Variants in GTSE1 observed in about 807,000 individuals in gnomAD.
The protein encoded by GTSE1 is G2 and S phase-expressed protein 1.
GTSE1 carries 52 observed loss-of-function variants against 60.5 expected under a neutral mutation model. The observed-to-expected ratio is 0.86, with a 90% CI of 0.69 to 1.08. GTSE1 has a LOEUF of 1.08. Among genes scored for constraint, GTSE1 ranks in the 50% least tolerant of loss-of-function variants. The pLI, the probability that GTSE1 is intolerant of heterozygous loss-of-function variation, is 0.00. For synonymous variants in GTSE1, 368 were observed against 386.5 expected, an observed-to-expected ratio of 0.95 and a Z score of 0.56; for missense variants, 937 against 961.8, an observed-to-expected ratio of 0.97 and a Z score of 0.34.
At position 46,304,218 on chromosome 22, in the gene GTSE1, C is replaced by T. The variant is rs1397672834; in HGVS notation, c.80-3932C>T. Among the ~76,000 whole-genome samples the T allele has an allele frequency of 1.3e-5, 2 of 152,050 alleles. No individual in the cohort carries two copies. The highest frequency in any genetic ancestry group is 2.4e-5 in the African/African-American group (1 of 41,386). On this transcript the variant is annotated intron_variant, in intron 2 of 11. Transcript: ENST00000454366. The surrounding 1 kb of genome is among the most constrained non-coding windows in gnomAD (Gnocchi z 4.4). ...ATGTTGCGAGGGCTGGCCTTGAACC[C>T]CTGGGCCTCAAGTGATCCTCCTTGG...
chr22:46,315,094 C>T (rs1456949046), intron 6 of GTSE1, among the ~76,000 whole-genome samples: 2 of 147,712 alleles, frequency 1.4e-5, no homozygotes, highest in African/African-American at 5.0e-5. Flanking sequence ...GAGTCTCACT[C>T]TATTGCCAGG....
intron 8 of GTSE1, among the ~76,000 whole-genome samples, chr22:46,323,761 C>A (rs2077827596): frequency 6.6e-6 from 1 of 152,118 alleles, no homozygotes; most frequent in African/African-American, 2.4e-5. Context: ...GATCTCGGCT[C>A]ACTGCAAACT....
intron 2 of GTSE1, among the ~76,000 whole-genome samples, chr22:46,299,540 G>C (rs936398798): frequency 6.6e-6 from 1 of 152,092 alleles, no homozygotes; most frequent in African/African-American, 2.4e-5. Flanking sequence ...CTACATTCAT[G>C]CCATCACCAG....
chr22:46,326,427 G>A lies in GTSE1; in HGVS notation c.1506-9G>A, dbSNP rs1246257064. ...TCTCAGCTCACGACACTGATGTTGT[G>A]TTTGCCAGGGTCACTGTCCACAGCA... On this transcript the variant is annotated splice_polypyrimidine_tract_variant and intron_variant, in intron 8 of 11. Coordinates refer to ENST00000454366, the MANE Select transcript of GTSE1 (RefSeq NM_016426.7). 6.3e-7 allele frequency: 1 copy of A among 1,591,882 alleles called. No individual in the cohort carries two copies. Among genetic ancestry groups the A allele is most frequent in the Non-Finnish European group, 8.6e-7 (1 of 1,163,138 alleles).
In GTSE1 at chr22:46,321,485, G is replaced by A. The variant is rs560869234; in HGVS notation, c.1433-1705G>A. On this transcript the variant is annotated intron_variant, in intron 7 of 11. Coordinates refer to ENST00000454366, the MANE Select transcript of GTSE1 (RefSeq NM_016426.7). The surrounding 1 kb of genome is among the most constrained non-coding windows in gnomAD (Gnocchi z 4.0). ...GCATGTTTGACTCAGCTGTGTGCGAGCTGCGCGCCTCTCCAGTGCTGGGGT... is the reference window on the plus strand; with the variant it reads ...GCATGTTTGACTCAGCTGTGTGCGAACTGCGCGCCTCTCCAGTGCTGGGGT... Among the ~76,000 whole-genome samples the A allele has an allele frequency of 6.6e-6, 1 of 152,234 alleles. No individual in the cohort carries two copies. The highest frequency in any genetic ancestry group is 1.9e-4 in the East Asian group (1 of 5,188).
rs1436178437 is a variant in GTSE1, at chr22:46,320,606, GT to G, written c.1433-2583del. 1.3e-5 allele frequency among the ~76,000 whole-genome samples: 2 copies of G among 152,260 alleles called. No homozygotes were observed. Among genetic ancestry groups the G allele is most frequent in the Non-Finnish European group, 2.9e-5 (2 of 68,050 alleles). On this transcript the variant is annotated intron_variant, in intron 7 of 11. Transcript: ENST00000454366. This position sits in a 1 kb window ranked among gnomAD's most constrained non-coding sequence, Gnocchi z 7.1. ...GGGACCACATGAACGGTGCCCTGTA[GT>G]GGAGGCTTTCATATGTGCACTTTCT...
rs758162381 is a variant in GTSE1, at chr22:46,329,501, C to G, written c.2070C>G (p.Ile690Met). The G allele has an allele frequency of 6.8e-6, 11 of 1,614,188 alleles. No individual in the cohort carries two copies. The highest frequency in any genetic ancestry group is 9.3e-6 in the Non-Finnish European group (11 of 1,180,018). The change falls in exon 11 of 12, where the codon ATC (isoleucine) becomes ATG (methionine). Residue 690 changes from isoleucine to methionine, a missense_variant. Ile to Met is a conservative substitution (Grantham distance 10). Transcript: ENST00000454366. This position sits in a 1 kb window ranked among gnomAD's most constrained non-coding sequence, Gnocchi z 6.4. Reference sequence around the variant, plus strand: ...TAGGATCTGAAAGCAGGCCTCTGATCGACCTCATGACAAACACTCCAGACA... The same window carrying G: ...TAGGATCTGAAAGCAGGCCTCTGATGGACCTCATGACAAACACTCCAGACA... ...VAVGSESRPL[I>M]DLMTNTPDMN... is the part of the protein sequence containing the mutation.
Position 46,313,201 on chromosome 22 carries a change from A to ATT in GTSE1, c.928-688_928-687dup, listed in dbSNP as rs1321792645. ...AAAAAAAAAAAGGAAAAGAAAGAAA[A>ATT]TTGCGGTTCCTCACAGGCATGGAGA... is the stretch of plus-strand genomic sequence containing the variant. On this transcript the variant is annotated intron_variant, in intron 5 of 11. Coordinates refer to ENST00000454366, the MANE Select transcript of GTSE1 (RefSeq NM_016426.7). This position sits in a 1 kb window ranked among gnomAD's most constrained non-coding sequence, Gnocchi z 4.4. Among the ~76,000 whole-genome samples, 2 of 151,412 alleles carry ATT rather than the reference A, an allele frequency of 1.3e-5. No homozygotes were observed. Among genetic ancestry groups the ATT allele is most frequent in the Non-Finnish European group, 2.9e-5 (2 of 67,844 alleles).
In GTSE1 at chr22:46,316,080, T is replaced by C; in HGVS notation, c.1100T>C (p.Leu367Pro). 6.5e-7 allele frequency: 1 copy of C among 1,540,106 alleles called. No homozygotes were observed. Among genetic ancestry groups the C allele is most frequent in the South Asian group, 1.3e-5 (1 of 79,954 alleles). Residue 367 changes from leucine (L) to proline (P), a missense_variant, in exon 7 of 12, where the codon CTG (leucine) becomes CCG (proline). Coordinates refer to ENST00000454366, the MANE Select transcript of GTSE1 (RefSeq NM_016426.7). This position sits in a 1 kb window ranked among gnomAD's most constrained non-coding sequence, Gnocchi z 5.0. ...ASIPANSSRP[L>P]SNISKSGRMG... ...ATTCCTGCAAATAGCTCCCGGCCTC[T>C]GTCAAACATCAGCAAGTCAGGCAGA...
intron 8 of GTSE1, 140 bp from the exon 9 acceptor site, chr22:46,326,296 C>T (rs574019902): frequency 1.7e-5 from 11 of 649,982 alleles, no homozygotes; most frequent in Middle Eastern, 4.2e-4. Flanking sequence ...CCCAGGAGAG[C>T]GGAGCTCACA....
intron 3 of GTSE1, 50 bp downstream of exon 3, chr22:46,308,257 A>G (rs2077726374): frequency 6.2e-7 from 1 of 1,604,456 alleles, no homozygotes; most frequent in South Asian, 1.1e-5. Context: ...CACATTCAGT[A>G]AAGTCTTTCC....
intron 2 of GTSE1, among the ~76,000 whole-genome samples, chr22:46,305,437 G>T (rs559336433): frequency 1.3e-5 from 2 of 151,056 alleles, no homozygotes; most frequent in East Asian, 3.9e-4. Context: ...GTGAAACCCC[G>T]TCTCTACTAG....
In GTSE1 at chr22:46,297,230, T is replaced by TGC; in HGVS notation, c.-21-148_-21-147dup. The TGC allele has an allele frequency of 1.6e-6, 1 of 613,188 alleles. No individual in the cohort carries two copies. 38.0% of individuals were successfully genotyped at this position (613,188 alleles called of 1,614,324 possible). ...ACTCGGGCCCTGGGGTCCCCTGGGATGCGATCATTTCAGAGCGGCCCCCGC... is the reference window on the plus strand; with the variant it reads ...ACTCGGGCCCTGGGGTCCCCTGGGATGCGCGATCATTTCAGAGCGGCCCCCGC... On this transcript the variant is annotated intron_variant, in intron 1 of 11. Transcript: ENST00000454366. The surrounding 1 kb of genome is among the most constrained non-coding windows in gnomAD (Gnocchi z 4.9).
At chr22:46,306,684 T>G (rs1341619955) in intron 2 of GTSE1, among the ~76,000 whole-genome samples, 1 of 151,956 alleles carries the variant, frequency 6.6e-6, no homozygotes, top group African/African-American at 2.4e-5. Flanking sequence ...GATGGGATTT[T>G]GCCACGTTGG....
rs777574776 is a variant in GTSE1, at chr22:46,326,496, G to T, written c.1566G>T (p.Leu522=). The change falls in exon 9 of 12, where the codon CTG becomes CTT. Residue 522 remains leucine (L), a synonymous_variant. Coordinates refer to ENST00000454366, the MANE Select transcript of GTSE1 (RefSeq NM_016426.7). ...CTGGGCCAGCACCACAAAGCCTGCT[G>T]AGCGCATGGCGTGTGTCAGCCTTGC... is the stretch of plus-strand genomic sequence containing the variant. ...RSSGPAPQSL[L]SAWRVSALPT... is the part of the protein sequence containing the mutation. The T allele has an allele frequency of 6.8e-6, 11 of 1,614,014 alleles. No homozygotes were observed. The South Asian group carries it at 1.1e-4, about 16-fold the overall frequency.
At chr22:46,312,441 A>C in intron 5 of GTSE1, 136 bp downstream of exon 5, 1 of 784,662 alleles carries the variant, frequency 1.3e-6, no homozygotes, top group Non-Finnish European at 2.0e-6. Flanking sequence ...GGAGTTCAAG[A>C]CCAGCCTGAG....
In GTSE1 at chr22:46,323,280, G is replaced by T; in HGVS notation, c.1505+18G>T. On this transcript the variant is annotated intron_variant, in intron 8 of 11. Coordinates refer to ENST00000454366, the MANE Select transcript of GTSE1 (RefSeq NM_016426.7). ...GTTGGCAGGTGAGTGACGTTGGTCC[G>T]CTTCCTCTCTTTATTGCTGTAGAAT... 2.5e-6 allele frequency: 4 copies of T among 1,583,686 alleles called. No individual in the cohort carries two copies. The highest frequency in any genetic ancestry group is 2.6e-6 in the Non-Finnish European group (3 of 1,152,534).
chr22:46,322,091 A>G (rs1457093940), intron 7 of GTSE1, among the ~76,000 whole-genome samples: 1 of 151,332 alleles, frequency 6.6e-6, no homozygotes. Flanking sequence ...AAAAAAAAAA[A>G]AAAAAAAGAG....
chr22:46,328,449 G>C (rs547165093), intron 9 of GTSE1, among the ~76,000 whole-genome samples: 1 of 152,216 alleles, frequency 6.6e-6, no homozygotes, highest in African/African-American at 2.4e-5. Context: ...TAGAAAGGAA[G>C]GGGCTAACAT....
Sources: gnomAD v4.1 joint callset for allele counts (sites outside exome capture counted in the v4.1 genomes callset) on GRCh38, gnomAD v4.1.1 for gene constraint, Gnocchi (gnomAD v3.1) non-coding constraint, MANE v1.5 for transcripts, NCBI Gene and HGNC (gene_info 2026-07-23, HGNC 2026-07-21) for gene names.